NRCAM: variants seen among roughly 807,000 people sequenced by gnomAD.
NRCAM encodes the protein neuronal cell adhesion molecule, also known as NgCAM-related cell adhesion molecule.
Under a neutral mutation model 156.5 loss-of-function variants are expected in NRCAM, and 83 were observed. The ratio of observed to expected loss-of-function variants is 0.53; its 90% confidence interval spans 0.44 to 0.64. NRCAM has a LOEUF of 0.64. Ranked by LOEUF, NRCAM falls within the 30% of genes least tolerant of loss-of-function variation. The pLI is 0.00. For synonymous variants in NRCAM, 538 were observed against 563.9 expected, an observed-to-expected ratio of 0.95 and a Z score of 0.65; for missense variants, 1,417 against 1,597.3, an observed-to-expected ratio of 0.89 and a Z score of 1.92.
At chr7:108,215,298 C>T (rs1252228734) in intron 11 of NRCAM, among the ~76,000 whole-genome samples, 5 of 150,818 alleles carry the variant, frequency 3.3e-5, no homozygotes, top group African/African-American at 7.3e-5. Context: ...CTGCAAGCTC[C>T]GCATCCTGGG....
chr7:108,237,660 G>A, intron 5 of NRCAM, 92 bp downstream of exon 5: 1 of 932,362 alleles, frequency 1.1e-6, no homozygotes, highest in East Asian at 2.8e-5. Context: ...CACAAAACAT[G>A]AAATTGTGCA....
chr7:108,314,112 A>G (rs2098844640), intron 2 of NRCAM, among the ~76,000 whole-genome samples: 1 of 152,118 alleles, frequency 6.6e-6, no homozygotes, highest in Non-Finnish European at 1.5e-5. Flanking sequence ...CGTGGAAAAA[A>G]CTATTTCATC....
At chr7:108,315,196 A>C (rs1008914468) in intron 2 of NRCAM, among the ~76,000 whole-genome samples, 3 of 152,112 alleles carry the variant, frequency 2.0e-5, no homozygotes, top group Non-Finnish European at 2.9e-5. Context: ...GTAAATTATA[A>C]ATTTATATTT....
chr7:108,359,352 CA>C (rs1474511506), intron 2 of NRCAM, among the ~76,000 whole-genome samples: 4 of 152,104 alleles, frequency 2.6e-5, no homozygotes, highest in Non-Finnish European at 5.9e-5. Context: ...AGGAGAAAGT[CA>C]AGAGTCCCAT....
intron 2 of NRCAM, among the ~76,000 whole-genome samples, chr7:108,382,222 A>ATTTT (rs71137626): frequency 6.2e-4 from 91 of 146,000 alleles, no homozygotes; most frequent in East Asian, 3.1e-3. Context: ...AGGAACAGAG[A>ATTTT]TTTTTTTTTT....
intron 3 of NRCAM, among the ~76,000 whole-genome samples, chr7:108,282,584 C>T (rs2097902808): frequency 3.3e-5 from 5 of 152,056 alleles, no homozygotes; most frequent in Admixed American, 3.3e-4. Context: ...TTTATATATT[C>T]AAGGTTTTGT....
intron 1 of NRCAM, among the ~76,000 whole-genome samples, chr7:108,451,252 T>C (rs1469349184): frequency 6.7e-6 from 1 of 150,368 alleles, no homozygotes; most frequent in Non-Finnish European, 1.5e-5. Flanking sequence ...AAAAAAAAAG[T>C]AACAGTGATT....
At position 108,425,713 on chromosome 7, in the gene NRCAM, T is replaced by C. The variant is rs6942885; in HGVS notation, c.-331-26120A>G. 9.4e-4 allele frequency among the ~76,000 whole-genome samples: 143 copies of C among 152,362 alleles called. No homozygotes were observed. In the East Asian group the frequency reaches 0.013, roughly 14 times the overall value. On this transcript the variant is annotated intron_variant, in intron 1 of 32. Transcript: ENST00000379028. ...ACCTAAACACAAAAAAACTATCATA[T>C]TGACCTGTCTGGCTCTAGAGATGAT...
At chr7:108,252,245 A>G (rs769729221) in intron 3 of NRCAM, among the ~76,000 whole-genome samples, 44 of 152,198 alleles carry the variant, frequency 2.9e-4, no homozygotes, top group Non-Finnish European at 5.6e-4. Context: ...CAGCTGGCTG[A>G]GGATTAAGCA....
At chr7:108,347,038 T>TG (rs2099361035) in intron 2 of NRCAM, among the ~76,000 whole-genome samples, 1 of 135,086 alleles carries the variant, frequency 7.4e-6, no homozygotes, top group Admixed American at 7.4e-5. Context: ...TTCTGTTTTT[T>TG]TTTTTTTTTT....
At chr7:108,213,004 G>A (rs2085550444) in intron 11 of NRCAM, among the ~76,000 whole-genome samples, 1 of 152,074 alleles carries the variant, frequency 6.6e-6, no homozygotes, top group African/African-American at 2.4e-5. Flanking sequence ...AAAAGCATGA[G>A]GTAACCTATA....
intron 1 of NRCAM, among the ~76,000 whole-genome samples, chr7:108,415,640 G>A (rs1478148951): frequency 6.6e-6 from 1 of 152,164 alleles, no homozygotes; most frequent in Non-Finnish European, 1.5e-5. Flanking sequence ...CAGCACTTTG[G>A]GAGGCCAAGG....
chr7:108,261,855 G>T (rs972571199), intron 3 of NRCAM, among the ~76,000 whole-genome samples: 1 of 152,090 alleles, frequency 6.6e-6, no homozygotes, highest in African/African-American at 2.4e-5. Flanking sequence ...GCAGTGCAGG[G>T]GAGTTAGTCT....
intron 2 of NRCAM, among the ~76,000 whole-genome samples, chr7:108,335,639 G>A (rs1400519013): frequency 6.6e-6 from 1 of 151,998 alleles, no homozygotes; most frequent in Admixed American, 6.5e-5. Flanking sequence ...TGTCCTTAGA[G>A]CTAATTCCAG....
chr7:108,223,859 G>A (rs2092900302), intron 10 of NRCAM, 23 bp from the exon 11 acceptor site: 1 of 1,077,192 alleles, frequency 9.3e-7, no homozygotes, highest in Admixed American at 1.7e-5. Context: ...AAATCAGTAT[G>A]CATTACAACT....
At chr7:108,300,160 C>CCTTT (rs1180044415) in intron 3 of NRCAM, among the ~76,000 whole-genome samples, 3 of 65,858 alleles carry the variant, frequency 4.6e-5, no homozygotes, top group African/African-American at 1.7e-4. Flanking sequence ...TTTCTGTTGA[C>CCTTT]TTTTTTTTTT....
At chr7:108,340,370 C>T (rs1276623464) in intron 2 of NRCAM, among the ~76,000 whole-genome samples, 1 of 147,798 alleles carries the variant, frequency 6.8e-6, no homozygotes, top group African/African-American at 2.5e-5. Flanking sequence ...CTCAGATAAC[C>T]CTGATGGCTA....
chr7:108,299,253 C>G (rs1252392313), intron 3 of NRCAM, among the ~76,000 whole-genome samples: 1 of 150,856 alleles, frequency 6.6e-6, no homozygotes, highest in African/African-American at 2.4e-5. Context: ...TTCTGAGAAG[C>G]AGTAGTTACC....
chr7:108,330,243 C>T (rs377272695), intron 2 of NRCAM, among the ~76,000 whole-genome samples: 8 of 152,148 alleles, frequency 5.3e-5, no homozygotes, highest in East Asian at 1.9e-4. Context: ...TCCTAGTTAG[C>T]TATTCCCACA....
Sources: allele counts gnomAD v4.1 joint callset (sites outside exome capture counted in the v4.1 genomes callset), GRCh38; gene constraint gnomAD v4.1.1; transcripts MANE v1.5; gene names NCBI Gene and HGNC (gene_info 2026-07-23, HGNC 2026-07-21).